CLASP1: variants seen among roughly 807,000 people sequenced by gnomAD.
CLASP1 encodes cytoplasmic linker associated protein 1, also known as CLIP-associating protein 1.
In CLASP1, 38 loss-of-function variants were observed where a neutral mutation model predicts 192.3. The ratio of observed to expected loss-of-function variants is 0.20; its 90% CI spans 0.15 to 0.26. The LOEUF (loss-of-function observed/expected upper bound fraction) is 0.26. Among genes scored for constraint, CLASP1 ranks in the 10% least tolerant of loss-of-function variants. The pLI is 1.00. For missense variants in CLASP1, 1,433 were observed against 1,932.5 expected, an observed-to-expected ratio of 0.74 and a Z score of 4.85; for synonymous variants, 691 against 712.8, an observed-to-expected ratio of 0.97 and a Z score of 0.49.
intron 2 of CLASP1, among the ~76,000 whole-genome samples, chr2:121,601,272 A>ATTT (rs1049615967): frequency 1.1e-4 from 15 of 138,416 alleles, no homozygotes; most frequent in African/African-American, 3.5e-4. Context: ...AGCGTTCAGC[A>ATTT]TTTTTTTTTT....
intron 7 of CLASP1, among the ~76,000 whole-genome samples, chr2:121,509,178 C>T (rs2094035278): frequency 6.6e-6 from 1 of 152,010 alleles, no homozygotes; most frequent in Non-Finnish European, 1.5e-5. Context: ...TATTAGAATA[C>T]AGATTCTTCT....
At chr2:121,524,950 G>A (rs1203487835) in intron 6 of CLASP1, among the ~76,000 whole-genome samples, 2 of 152,134 alleles carry the variant, frequency 1.3e-5, no homozygotes, top group African/African-American at 4.8e-5. Flanking sequence ...GAGAGCAAGA[G>A]GGGAGGGGTG....
chr2:121,464,273 C>T (rs1298047821), intron 9 of CLASP1, among the ~76,000 whole-genome samples: 1 of 152,070 alleles, frequency 6.6e-6, no homozygotes, highest in South Asian at 2.1e-4. Flanking sequence ...GGTTCCAAGT[C>T]TTTGCTATTG....
At chr2:121,516,680 AGAAAATATCTTTGTT>A (rs2094305058) in intron 6 of CLASP1, among the ~76,000 whole-genome samples, 1 of 152,242 alleles carries the variant, frequency 6.6e-6, no homozygotes, top group Non-Finnish European at 1.5e-5. Context: ...CGTTAATATA[AGAAAATATCTTTGTT>A]ATTAAATGAT....
intron 34 of CLASP1, among the ~76,000 whole-genome samples, chr2:121,371,284 G>A (rs1413992452): frequency 6.6e-6 from 1 of 151,974 alleles, no homozygotes; most frequent in Non-Finnish European, 1.5e-5. Flanking sequence ...AAGCTGGAGT[G>A]CAGTGGCACA....
At chr2:121,341,804 C>G (rs994114102) in intron 39 of CLASP1, among the ~76,000 whole-genome samples, 1 of 152,208 alleles carries the variant, frequency 6.6e-6, no homozygotes, top group Admixed American at 6.5e-5. Context: ...TGAAACTCAA[C>G]AACAGAACAC....
intron 2 of CLASP1, among the ~76,000 whole-genome samples, chr2:121,581,553 C>T (rs1489530977): frequency 1.3e-5 from 2 of 152,096 alleles, no homozygotes; most frequent in East Asian, 1.9e-4. Context: ...GGATTACAGG[C>T]ATGAGCCACC....
chr2:121,621,548 C>A (rs1313738710), intron 1 of CLASP1, among the ~76,000 whole-genome samples: 1 of 152,148 alleles, frequency 6.6e-6, no homozygotes, highest in Non-Finnish European at 1.5e-5. Flanking sequence ...CCTGTACCAC[C>A]ATCATTTGTT....
chr2:121,591,235 A>T (rs949831266), intron 2 of CLASP1, among the ~76,000 whole-genome samples: 1 of 152,200 alleles, frequency 6.6e-6, no homozygotes, highest in African/African-American at 2.4e-5. Flanking sequence ...CAGAAAAAGA[A>T]CTTGGACATC....
intron 30 of CLASP1, among the ~76,000 whole-genome samples, chr2:121,396,460 T>A (rs1431265169): frequency 6.6e-6 from 1 of 152,230 alleles, no homozygotes; most frequent in Non-Finnish European, 1.5e-5. Context: ...TTTTGGAGCA[T>A]CAGGCTAATC....
Position 121,404,336 on chromosome 2 carries a change from G to C in CLASP1, c.2733+35C>G, listed in dbSNP as rs190748748. 2.3e-4 allele frequency: 367 copies of C among 1,605,534 alleles called. 2 individuals carry two copies. The Middle Eastern group carries it at 7.1e-3, about 31-fold the overall frequency. On this transcript the variant is annotated intron_variant, in intron 26 of 39. Transcript: ENST00000263710. ...TCACACAGAGCACACAGACATGCAG[G>C]GGTAAAGACAGGGCAGGCATGACTT...
intron 39 of CLASP1, 100 bp downstream of exon 40, chr2:121,346,938 G>A: frequency 1.4e-6 from 1 of 718,010 alleles, no homozygotes; most frequent in Non-Finnish European, 2.4e-6. Context: ...AAAACACAAT[G>A]AACAAAACCT....
At chr2:121,454,240 T>C (rs1341638630) in intron 14 of CLASP1, among the ~76,000 whole-genome samples, 1 of 151,926 alleles carries the variant, frequency 6.6e-6, no homozygotes, top group Admixed American at 6.6e-5. Flanking sequence ...TGACAAGGTT[T>C]AGATTAGGCA....
intron 19 of CLASP1, among the ~76,000 whole-genome samples, chr2:121,432,018 G>C (rs2081513094): frequency 2.0e-5 from 3 of 152,132 alleles, no homozygotes; most frequent in Admixed American, 2.0e-4. Flanking sequence ...CAGCACTTAT[G>C]TGTGTCTGGG....
chr2:121,401,511 T>C, exon 28 of CLASP1: 1 of 1,607,986 alleles, frequency 6.2e-7, no homozygotes, highest in Non-Finnish European at 8.5e-7. Flanking sequence ...ACACTTACCT[T>C]GTGACATCTA....
At chr2:121,518,729 T>C (rs1245286529) in intron 6 of CLASP1, among the ~76,000 whole-genome samples, 6 of 151,594 alleles carry the variant, frequency 4.0e-5, no homozygotes, top group Non-Finnish European at 7.4e-5. Context: ...AAAAAAACTT[T>C]AGCTGGGCAT....
At chr2:121,371,336 T>G (rs746778903) in intron 34 of CLASP1, among the ~76,000 whole-genome samples, 1 of 152,000 alleles carries the variant, frequency 6.6e-6, no homozygotes, top group Non-Finnish European at 1.5e-5. Context: ...GCTTAAGCAA[T>G]ACTCTCACTG....
intron 28 of CLASP1, 73 bp from the exon 30 acceptor site, chr2:121,398,473 A>T: frequency 9.6e-7 from 1 of 1,038,688 alleles, no homozygotes; most frequent in Non-Finnish European, 1.4e-6. Flanking sequence ...ATTTAACAAA[A>T]GCATACCATT....
chr2:121,535,564 A>C (rs1200128800), intron 2 of CLASP1, among the ~76,000 whole-genome samples: 1 of 152,218 alleles, frequency 6.6e-6, no homozygotes, highest in Non-Finnish European at 1.5e-5. Flanking sequence ...GCAAGAGAGA[A>C]TAGAGAGAAA....
Sources: gnomAD v4.1 joint callset for allele counts (sites outside exome capture counted in the v4.1 genomes callset) on GRCh38, gnomAD v4.1.1 for gene constraint, MANE v1.5 for transcripts, NCBI Gene and HGNC (gene_info 2026-07-23, HGNC 2026-07-21) for gene names.